The following SLC5A8 variants were observed in gnomAD, a reference collection of about 807,000 sequenced individuals.
SLC5A8 encodes solute carrier family 5 member 8.
In SLC5A8, 55 loss-of-function variants were observed where a neutral mutation model predicts 71.9. The observed-to-expected ratio is 0.77, with a 90% CI of 0.62 to 0.96. The LOEUF (loss-of-function observed/expected upper bound fraction) is 0.96. SLC5A8 is among the 40% of genes least tolerant of loss of function. The pLI, the probability that SLC5A8 is intolerant of heterozygous loss-of-function variation, is 0.00. For synonymous variants in SLC5A8, 307 were observed against 276.1 expected (o/e 1.11, Z -1.11); for missense variants, 701 against 745.3 (o/e 0.94, Z 0.69).
chr12:101,175,300 A>G (rs1364197303), intron 10 of SLC5A8, among the ~76,000 whole-genome samples: 1 of 152,110 alleles, frequency 6.6e-6, no homozygotes, highest in Non-Finnish European at 1.5e-5. Flanking sequence ...ATATAAAATA[A>G]ACTTCAGGGA....
intron 9 of SLC5A8, among the ~76,000 whole-genome samples, chr12:101,182,145 T>A (rs2137144585): frequency 6.6e-6 from 1 of 152,320 alleles, no homozygotes; most frequent in South Asian, 2.1e-4. Context: ...CTAATGAGGC[T>A]CTACGATTGA....
chr12:101,191,894 C>G (rs1421825526), intron 5 of SLC5A8, among the ~76,000 whole-genome samples: 1 of 152,070 alleles, frequency 6.6e-6, no homozygotes, highest in East Asian at 1.9e-4. Context: ...AAATCTCTTA[C>G]TAATGTGTAT....
intron 9 of SLC5A8, among the ~76,000 whole-genome samples, chr12:101,181,100 T>C (rs1311451791): frequency 6.6e-6 from 1 of 152,116 alleles, no homozygotes; most frequent in Non-Finnish European, 1.5e-5. Context: ...GAATGGGAAA[T>C]TTGTCCATCA....
At chr12:101,197,789 AC>A (rs1210109267) in intron 3 of SLC5A8, among the ~76,000 whole-genome samples, 1 of 152,076 alleles carries the variant, frequency 6.6e-6, no homozygotes, top group Non-Finnish European at 1.5e-5. Context: ...AACAAGTAAA[AC>A]AAATTCCATA....
intron 10 of SLC5A8, among the ~76,000 whole-genome samples, chr12:101,177,654 A>G (rs1208865260): frequency 6.6e-6 from 1 of 152,198 alleles, no homozygotes; most frequent in Admixed American, 6.5e-5. Context: ...TAAAAAACCA[A>G]TCAATGTAAT....
rs1476875632 is a variant in SLC5A8, at chr12:101,155,968, A to G, written c.*1311T>C. 8 of 152,102 alleles carry G rather than the reference A, an allele frequency of 5.3e-5. No homozygotes were observed. Among genetic ancestry groups the G allele is most frequent in the Non-Finnish European group, 8.8e-5 (6 of 68,020 alleles). 9.4% of individuals were successfully genotyped at this position (152,102 alleles called of 1,614,324 possible). A position where few individuals can be genotyped will look rare whatever the true frequency, so the allele number is the denominator to read the frequency against. On this transcript the variant is annotated 3_prime_UTR_variant, in exon 15 of 15. Transcript: ENST00000536262. ...TATGTTTCTAAAAAAAATTGAGTTTAAAAAAGAACTTTTAAACAGTATCTA... is the reference window on the plus strand; with the variant it reads ...TATGTTTCTAAAAAAAATTGAGTTTGAAAAAGAACTTTTAAACAGTATCTA...
At chr12:101,158,486 C>A (rs1049169049) in intron 13 of SLC5A8, among the ~76,000 whole-genome samples, 158 bp from the exon 14 acceptor site, 24 of 149,578 alleles carry the variant, frequency 1.6e-4, no homozygotes, top group Non-Finnish European at 3.1e-4. Context: ...GATCACTTAG[C>A]CCGCAATTCC....
intron 13 of SLC5A8, among the ~76,000 whole-genome samples, chr12:101,160,104 C>T (rs1005800291): frequency 9.9e-5 from 15 of 152,102 alleles, no homozygotes; most frequent in African/African-American, 3.1e-4. Context: ...ATCCCTTGAA[C>T]GCAGGAGGCA....
At chr12:101,194,740 T>C (rs984067561) in intron 4 of SLC5A8, among the ~76,000 whole-genome samples, 4 of 152,170 alleles carry the variant, frequency 2.6e-5, no homozygotes, top group Non-Finnish European at 5.9e-5. Context: ...GCCTCCCAAA[T>C]TGCTGGTATT....
In SLC5A8 at chr12:101,209,988, CG is replaced by C. The variant is rs1205649175; in HGVS notation, c.-141del. 1.4e-4 allele frequency: 101 copies of C among 727,732 alleles called. No homozygotes were observed. The highest frequency in any genetic ancestry group is 1.3e-3 in the South Asian group (54 of 42,054). 45.1% of individuals were successfully genotyped at this position (727,732 alleles called of 1,614,324 possible). ...GGGACTGGAGGCGTCCTCCAGGTGT[CG>C]GCCTCCGAACGCACCCCGAGGCGGG... On this transcript the variant is annotated 5_prime_UTR_variant, in exon 1 of 15. Transcript: ENST00000536262.
At chr12:101,177,446 CA>C (rs2051890265) in intron 10 of SLC5A8, among the ~76,000 whole-genome samples, 4 of 74,556 alleles carry the variant, frequency 5.4e-5, no homozygotes, top group Admixed American at 3.2e-4. Flanking sequence ...GCAGTATATA[CA>C]CACACACACA....
At position 101,155,537 on chromosome 12, in the gene SLC5A8, A is replaced by ATT. The variant is rs2051651555; in HGVS notation, c.*1741_*1742insAA. ...GATTTCACTCTGTTACCCAGGCTGG[A>ATT]GTGCAGTGGTGTAATCATAGCTCAA... On this transcript the variant is annotated 3_prime_UTR_variant, in exon 15 of 15. Transcript: ENST00000536262. 7.9e-6 allele frequency: 1 copy of ATT among 127,168 alleles called. No homozygotes were observed. 7.9% of individuals were successfully genotyped at this position (127,168 alleles called of 1,614,324 possible).
chr12:101,177,444 T>TACACACAC (rs60836789), intron 10 of SLC5A8, among the ~76,000 whole-genome samples: 2 of 94,418 alleles, frequency 2.1e-5, no homozygotes, highest in Admixed American at 2.0e-4. Context: ...AGGCAGTATA[T>TACACACAC]ACACACACAC....
At chr12:101,161,310 T>G (rs1477095428) in intron 13 of SLC5A8, among the ~76,000 whole-genome samples, 1 of 152,168 alleles carries the variant, frequency 6.6e-6, no homozygotes, top group East Asian at 1.9e-4. Flanking sequence ...GTAATGAATA[T>G]AGGCAGTAGA....
chr12:101,159,068 C>T (rs374772962), intron 13 of SLC5A8, among the ~76,000 whole-genome samples: 60 of 152,008 alleles, frequency 3.9e-4, no homozygotes, highest in Middle Eastern at 6.8e-3. Context: ...CCAAATCATT[C>T]AAGGAATGTA....
At chr12:101,185,481 A>G (rs1427161771) in intron 7 of SLC5A8, among the ~76,000 whole-genome samples, 1 of 152,228 alleles carries the variant, frequency 6.6e-6, no homozygotes. Flanking sequence ...GAAAATAGTA[A>G]AACTATATCT....
At chr12:101,158,444 A>C (rs1461766236) in intron 13 of SLC5A8, 116 bp from the exon 14 acceptor site, 3 of 664,300 alleles carry the variant, frequency 4.5e-6, no homozygotes, top group Non-Finnish European at 7.6e-6. Context: ...ACATTCAAAA[A>C]ACACAAAGAG....
intron 9 of SLC5A8, among the ~76,000 whole-genome samples, chr12:101,180,740 G>C (rs906977717): frequency 9.3e-5 from 14 of 149,856 alleles, no homozygotes; most frequent in Non-Finnish European, 1.8e-4. Flanking sequence ...TTTTCATAGA[G>C]ACGGGGTGTC....
chr12:101,202,343 C>A, intron 2 of SLC5A8, 128 bp from the exon 3 acceptor site: 1 of 877,700 alleles, frequency 1.1e-6, no homozygotes, highest in South Asian at 2.1e-5. Context: ...TTTCAAAACA[C>A]CTAATAAAAT....
Sources: allele counts gnomAD v4.1 joint callset (sites outside exome capture counted in the v4.1 genomes callset), GRCh38; gene constraint gnomAD v4.1.1; transcripts MANE v1.5; gene names NCBI Gene and HGNC (gene_info 2026-07-23, HGNC 2026-07-21).